The following TSHZ2 variants were observed in gnomAD, a reference collection of about 807,000 sequenced individuals.
TSHZ2 encodes the protein teashirt homolog 2.
In TSHZ2, 21 loss-of-function variants were observed where a neutral mutation model predicts 74.4. The observed-to-expected ratio is 0.28, with a 90% confidence interval of 0.20 to 0.41. The LOEUF (loss-of-function observed/expected upper bound fraction) is 0.41, where lower values mean the gene tolerates loss of function less well. Among genes scored for constraint, TSHZ2 ranks in the 10% least tolerant of loss-of-function variants. The pLI is 1.00. For missense variants in TSHZ2, 1,244 were observed against 1,293.5 expected (o/e 0.96, Z 0.59); for synonymous variants, 540 against 515.3 (o/e 1.05, Z -0.65).
chr20:53,450,403 C>T (rs541261945), intron 2 of TSHZ2, among the ~76,000 whole-genome samples: 64 of 152,226 alleles, frequency 4.2e-4, no homozygotes, highest in Admixed American at 6.5e-5. Flanking sequence ...TATATAGTCC[C>T]TAACTTTTCT....
intron 1 of TSHZ2, among the ~76,000 whole-genome samples, chr20:53,072,427 AT>A (rs1393024048): frequency 1.3e-5 from 2 of 152,202 alleles, no homozygotes; most frequent in Non-Finnish European, 2.9e-5. Context: ...TAATAAAAAT[AT>A]TCATTGACTG....
chr20:53,224,023 G>C (rs557603010), intron 1 of TSHZ2, among the ~76,000 whole-genome samples: 1 of 152,090 alleles, frequency 6.6e-6, no homozygotes, highest in Non-Finnish European at 1.5e-5. Context: ...CTTTGATTAT[G>C]CAAGATGTTA....
intron 2 of TSHZ2, among the ~76,000 whole-genome samples, chr20:53,306,445 G>C (rs1000292525): frequency 6.6e-6 from 1 of 152,158 alleles, no homozygotes; most frequent in Non-Finnish European, 1.5e-5. Flanking sequence ...GTTTGCTCTA[G>C]AATTAGCCAC....
At chr20:53,169,161 T>A (rs987717556) in intron 1 of TSHZ2, among the ~76,000 whole-genome samples, 3 of 152,216 alleles carry the variant, frequency 2.0e-5, no homozygotes, top group African/African-American at 7.2e-5. Flanking sequence ...TGGTCTCAGA[T>A]CCAAGTAGTC....
At chr20:53,305,400 C>CTTTCT (rs1480341006) in intron 2 of TSHZ2, among the ~76,000 whole-genome samples, 2 of 152,008 alleles carry the variant, frequency 1.3e-5, no homozygotes, top group Non-Finnish European at 2.9e-5. Context: ...AAGTTTTTTT[C>CTTTCT]TTTCTTTTTT....
At chr20:53,330,223 T>C (rs1002375580) in intron 2 of TSHZ2, among the ~76,000 whole-genome samples, 1 of 152,174 alleles carries the variant, frequency 6.6e-6, no homozygotes, top group African/African-American at 2.4e-5. Context: ...AATTATAGAT[T>C]CATAAGAAGT....
At chr20:53,293,125 TTA>T (rs1409214791) in intron 2 of TSHZ2, among the ~76,000 whole-genome samples, 1 of 152,196 alleles carries the variant, frequency 6.6e-6, no homozygotes, top group African/African-American at 2.4e-5. Flanking sequence ...ATTGTATGAG[TTA>T]TCTTTTAAAA....
intron 1 of TSHZ2, among the ~76,000 whole-genome samples, chr20:53,182,984 A>G (rs1988518207): frequency 1.3e-5 from 2 of 152,248 alleles, no homozygotes. Context: ...AGTCAGGACA[A>G]GTGGCCTGTT....
intron 2 of TSHZ2, among the ~76,000 whole-genome samples, chr20:53,377,736 GCCTGTAAT>G (rs1981711343): frequency 6.6e-6 from 1 of 152,230 alleles, no homozygotes; most frequent in Non-Finnish European, 1.5e-5. Flanking sequence ...GATGGTGCAT[GCCTGTAAT>G]CCCAGTTACT....
At chr20:53,426,634 GT>G (rs772323696) in intron 2 of TSHZ2, among the ~76,000 whole-genome samples, 10 of 152,102 alleles carry the variant, frequency 6.6e-5, no homozygotes, top group Non-Finnish European at 1.3e-4. Flanking sequence ...GTTTCAGCGC[GT>G]TTTCTGCCCA....
intron 2 of TSHZ2, among the ~76,000 whole-genome samples, chr20:53,479,779 CAG>C (rs771623027): frequency 3.1e-4 from 47 of 152,288 alleles, no homozygotes; most frequent in Non-Finnish European, 6.0e-4. Context: ...TGTCACAACT[CAG>C]GGGTAAAGCA....
At chr20:53,453,920 G>C (rs1222937027) in intron 2 of TSHZ2, among the ~76,000 whole-genome samples, 1 of 152,154 alleles carries the variant, frequency 6.6e-6, no homozygotes, top group Non-Finnish European at 1.5e-5. Context: ...CTTCTAGAAT[G>C]GTGGCTCTGA....
At chr20:53,269,827 T>C (rs185042313) in intron 2 of TSHZ2, among the ~76,000 whole-genome samples, 1 of 152,180 alleles carries the variant, frequency 6.6e-6, no homozygotes, top group African/African-American at 2.4e-5. Context: ...ATCCATGTCA[T>C]TGATATTGAC....
chr20:53,188,363 T>C (rs144484706), intron 1 of TSHZ2, among the ~76,000 whole-genome samples: 2 of 152,324 alleles, frequency 1.3e-5, no homozygotes, highest in East Asian at 3.9e-4. Flanking sequence ...TCAGAAAAGT[T>C]CACCAGGTTT....
At chr20:53,080,244 A>G (rs1208414147) in intron 1 of TSHZ2, among the ~76,000 whole-genome samples, 2 of 152,196 alleles carry the variant, frequency 1.3e-5, no homozygotes, top group Admixed American at 1.3e-4. Context: ...CATTGTGAAT[A>G]GTAACACCAT....
At chr20:53,175,980 G>A (rs1001886529) in intron 1 of TSHZ2, among the ~76,000 whole-genome samples, 6 of 152,134 alleles carry the variant, frequency 3.9e-5, no homozygotes, top group Admixed American at 6.5e-5. Context: ...AATAAACAAC[G>A]TAATTTCAGA....
In TSHZ2 at chr20:53,018,002, G is replaced by A. The variant is rs573264195; in HGVS notation, c.40+44669G>A. 1.8e-4 allele frequency among the ~76,000 whole-genome samples: 27 copies of A among 152,258 alleles called. 2 individuals carry two copies. The South Asian group carries it at 2.9e-3, about 16-fold the overall frequency. ...GAGTATGCAATGCAGTGAAAGAGAC[G>A]AACATCGCATCAATAGGATTCTGCT... On this transcript the variant is annotated intron_variant, in intron 1 of 2. Coordinates refer to ENST00000371497, the MANE Select transcript of TSHZ2 (RefSeq NM_173485.6).
At chr20:53,094,543 T>C (rs1210886408) in intron 1 of TSHZ2, among the ~76,000 whole-genome samples, 2 of 152,174 alleles carry the variant, frequency 1.3e-5, no homozygotes, top group African/African-American at 4.8e-5. Flanking sequence ...TACTTCATTT[T>C]GGGAAGTGCG....
rs141648558 is a variant in TSHZ2, at chr20:53,164,285, C to T, written c.41-89214C>T. Among the ~76,000 whole-genome samples the T allele has an allele frequency of 7.2e-4, 109 of 152,254 alleles. 1 individual carries two copies. Among genetic ancestry groups the T allele is most frequent in the Admixed American group, 2.5e-3 (38 of 15,292 alleles). ...CCCCAGTAGGAGAGATTAATCAATA[C>T]ACTACTACCAGAAATGCAGGTCAAT... On this transcript the variant is annotated intron_variant, in intron 1 of 2. Transcript: ENST00000371497.
Sources: allele counts gnomAD v4.1 joint callset (sites outside exome capture counted in the v4.1 genomes callset), GRCh38; gene constraint gnomAD v4.1.1; transcripts MANE v1.5; gene names NCBI Gene and HGNC (gene_info 2026-07-23, HGNC 2026-07-21).